GALNT9: variants seen among roughly 807,000 people sequenced by gnomAD.
GALNT9 encodes the protein polypeptide N-acetylgalactosaminyltransferase 9.
GALNT9 carries 47 observed loss-of-function variants against 63.1 expected under a neutral mutation model. The observed-to-expected ratio is 0.75, with a 90% CI of 0.59 to 0.95. The LOEUF (loss-of-function observed/expected upper bound fraction) is 0.95. Ranked by LOEUF, GALNT9 falls within the 40% of genes least tolerant of loss-of-function variation. The pLI, the probability that GALNT9 is intolerant of heterozygous loss-of-function variation, is 0.00. For synonymous variants in GALNT9, 396 were observed against 365.7 expected (o/e 1.08, Z -0.94); for missense variants, 829 against 874.8 (o/e 0.95, Z 0.66).
At chr12:132,305,690 T>A (rs1156649184) in intron 1 of GALNT9, among the ~76,000 whole-genome samples, 1 of 150,220 alleles carries the variant, frequency 6.7e-6, no homozygotes, top group African/African-American at 2.5e-5. Flanking sequence ...CTCACCTGGG[T>A]ACATCCTCGC....
At chr12:132,289,524 G>A (rs868932311) in intron 1 of GALNT9, among the ~76,000 whole-genome samples, 11 of 152,198 alleles carry the variant, frequency 7.2e-5, no homozygotes, top group African/African-American at 2.7e-4. Context: ...CTTGGCAGAC[G>A]CCCCCTGCTT....
At chr12:132,267,832 C>G (rs1029363259) in intron 2 of GALNT9, among the ~76,000 whole-genome samples, 4 of 149,786 alleles carry the variant, frequency 2.7e-5, no homozygotes, top group Non-Finnish European at 5.9e-5. Flanking sequence ...CATGCAGTCA[C>G]ACACATGCAT....
At chr12:132,215,179 GAC>G (rs1338012087) in intron 6 of GALNT9, among the ~76,000 whole-genome samples, 1 of 152,150 alleles carries the variant, frequency 6.6e-6, no homozygotes, top group Non-Finnish European at 1.5e-5. Flanking sequence ...CGGCAGAACA[GAC>G]ACAGGTTTCA....
At chr12:132,240,130 A>C (rs1878188300) in intron 6 of GALNT9, among the ~76,000 whole-genome samples, 1 of 152,188 alleles carries the variant, frequency 6.6e-6, no homozygotes, top group Non-Finnish European at 1.5e-5. Context: ...GCTGTTTAAT[A>C]TTCAACAGTT....
intron 2 of GALNT9, among the ~76,000 whole-genome samples, chr12:132,269,074 A>T (rs554363660): frequency 1.3e-5 from 2 of 152,354 alleles, no homozygotes; most frequent in South Asian, 2.1e-4. Flanking sequence ...GGACTGAAAG[A>T]CACAGAGGGA....
chr12:132,198,332 T>G, intron 9 of GALNT9, among the ~76,000 whole-genome samples: 1 of 152,144 alleles, frequency 6.6e-6, no homozygotes, highest in African/African-American at 2.4e-5. Context: ...GAACACGCAT[T>G]CCCGTGGGGT....
At chr12:132,268,146 CGCAATCTCACACAA>C in intron 2 of GALNT9, among the ~76,000 whole-genome samples, 1 of 151,034 alleles carries the variant, frequency 6.6e-6, no homozygotes, top group Non-Finnish European at 1.5e-5. Flanking sequence ...CTCACACACA[CGCAATCTCACACAA>C]GCACACTCTC....
At chr12:132,289,537 C>A (rs1263441733) in intron 1 of GALNT9, among the ~76,000 whole-genome samples, 1 of 152,214 alleles carries the variant, frequency 6.6e-6, no homozygotes, top group African/African-American at 2.4e-5. Flanking sequence ...CCCTGCTTTG[C>A]CTGAATCTGC....
In GALNT9 at chr12:132,203,591, C is replaced by T; in HGVS notation, c.1177G>A (p.Ala393Thr). 6 of 1,613,898 alleles carry T rather than the reference C, an allele frequency of 3.7e-6. No individual in the cohort carries two copies. Among genetic ancestry groups the T allele is most frequent in the East Asian group, 2.2e-5 (1 of 44,872 alleles). Residue 393 changes from alanine to threonine, a missense_variant, in exon 7 of 11, where the codon GCC becomes ACC. Physicochemically the swap from Ala to Thr is moderately conservative, Grantham distance 58 (BLOSUM62 0). Transcript: ENST00000328957. ...GCGGCGCGCAGGGCGTTGCGCTTGG[C>T]ATAGTAGTCAATGTCGTTGTTGTAG... ...KPYNNDIDYY[A>T]KRNALRAAEV... is the part of the protein sequence containing the mutation.
intron 2 of GALNT9, chr12:132,280,775 C>T (rs1396345019): frequency 1.3e-5 from 2 of 152,362 alleles, no homozygotes. Context: ...AGCTTTCAGC[C>T]TGCACCCCCG....
chr12:132,225,770 G>A (rs1442642321), intron 6 of GALNT9, among the ~76,000 whole-genome samples: 4,803 of 111,702 alleles, frequency 0.043, 335 homozygotes, highest in African/African-American at 0.16. Flanking sequence ...CACTACACAC[G>A]CTGTATACAC....
chr12:132,298,546 A>C (rs1881160747), intron 1 of GALNT9, among the ~76,000 whole-genome samples: 1 of 151,260 alleles, frequency 6.6e-6, no homozygotes, highest in Non-Finnish European at 1.5e-5. Context: ...CTCATCCCTG[A>C]GATAACCAAG....
At chr12:132,243,629 C>G (rs1272276155) in intron 6 of GALNT9, among the ~76,000 whole-genome samples, 1 of 152,202 alleles carries the variant, frequency 6.6e-6, no homozygotes, top group Non-Finnish European at 1.5e-5. Flanking sequence ...TCCCCTCAAA[C>G]TGCTTCTGCA....
intron 6 of GALNT9, among the ~76,000 whole-genome samples, chr12:132,213,007 G>A (rs1419445995): frequency 3.2e-4 from 48 of 148,098 alleles, no homozygotes; most frequent in Non-Finnish European, 5.7e-4. Flanking sequence ...CCGTGACACG[G>A]AAACCCCACC....
intron 6 of GALNT9, among the ~76,000 whole-genome samples, chr12:132,208,939 G>A (rs535936909): frequency 1.3e-5 from 2 of 152,270 alleles, no homozygotes; most frequent in South Asian, 2.1e-4. Context: ...AAGACAATCC[G>A]AGTTGATACC....
In GALNT9 at chr12:132,229,559, C is replaced by T. The variant is rs966655301; in HGVS notation, c.1077+18351G>A. 2.5e-3 allele frequency among the ~76,000 whole-genome samples: 386 copies of T among 152,380 alleles called. 1 individual carries two copies. The highest frequency in any genetic ancestry group is 8.3e-3 in the African/African-American group (344 of 41,596). ...AGGGCCACACTCGCAGGCACAGCCC[C>T]GCAGTAAGTCCTGCTCTCATGAGCA... On this transcript the variant is annotated intron_variant, in intron 6 of 10. Coordinates refer to ENST00000328957, the MANE Select transcript of GALNT9 (RefSeq NM_001122636.2).
chr12:132,248,558 G>A (rs570951156), intron 5 of GALNT9, among the ~76,000 whole-genome samples: 41 of 152,302 alleles, frequency 2.7e-4, no homozygotes, highest in African/African-American at 9.6e-4. Context: ...TGAGTCACTT[G>A]CCCGCCTCCC....
Position 132,222,112 on chromosome 12 carries a change from G to A in GALNT9, c.1078-18422C>T, listed in dbSNP as rs150763378. Among the ~76,000 whole-genome samples, 196 of 152,196 alleles carry A rather than the reference G, an allele frequency of 1.3e-3. 2 individuals are homozygous for A. Among genetic ancestry groups the A allele is most frequent in the African/African-American group, 4.4e-3 (181 of 41,512 alleles). On this transcript the variant is annotated intron_variant, in intron 6 of 10. Transcript: ENST00000328957. ...TTGATGAGTGACCTGAGAAGGCATC[G>A]TCCACCATCTTAAAACCTGATAAAG...
intron 8 of GALNT9, 154 bp downstream of exon 8, chr12:132,200,970 C>T (rs1360923343): frequency 2.2e-5 from 15 of 687,914 alleles, no homozygotes; most frequent in Admixed American, 8.5e-5. Context: ...GGAGTCAGGG[C>T]GGAAGGCCTG....
Sources: gnomAD v4.1 joint callset for allele counts (sites outside exome capture counted in the v4.1 genomes callset) on GRCh38, gnomAD v4.1.1 for gene constraint, MANE v1.5 for transcripts, NCBI Gene and HGNC (gene_info 2026-07-23, HGNC 2026-07-21) for gene names.